Variants in MIA2 observed in about 807,000 individuals in gnomAD.
MIA2 encodes melanoma inhibitory activity protein 2.
In MIA2, 127 loss-of-function variants were observed where a neutral mutation model predicts 167.8. The ratio of observed to expected loss-of-function variants is 0.76; its 90% CI spans 0.66 to 0.88. MIA2 has a LOEUF of 0.88. Ranked by LOEUF, MIA2 falls within the 40% of genes least tolerant of loss-of-function variation. The pLI, the probability that MIA2 is intolerant of heterozygous loss-of-function variation, is 0.00. For missense variants in MIA2, 1,690 were observed against 1,624.7 expected, an observed-to-expected ratio of 1.04 and a Z score of -0.69; for synonymous variants, 552 against 541.9, an observed-to-expected ratio of 1.02 and a Z score of -0.26.
intron 23 of MIA2, among the ~76,000 whole-genome samples, chr14:39,362,831 C>T (rs946674422): frequency 4.6e-5 from 7 of 152,140 alleles, no homozygotes; most frequent in East Asian, 1.9e-4. Context: ...AATTCCCTCT[C>T]AGCACTGCTT....
rs1566748459 is a variant in MIA2 at position 39,288,468 on chromosome 14, T to TTTTG, written c.2131-2551_2131-2550insTTTG. On this transcript the variant is annotated intron_variant, in intron 9 of 28. Coordinates refer to ENST00000640607, the MANE Select transcript of MIA2 (RefSeq NM_001329214.4). ...ATATATATATATATATATATATATA[T>TTTTG]ATATATATTTTTTTTTTTTTTTTTG... 4.1e-4 allele frequency among the ~76,000 whole-genome samples: 18 copies of TTTTG among 44,170 alleles called. 2 individuals are homozygous for TTTTG. Among genetic ancestry groups the TTTTG allele is most frequent in the African/African-American group, 1.8e-3 (14 of 7,938 alleles). 29.0% of individuals were successfully genotyped at this position (44,170 alleles called of 152,430 possible). A position where few individuals can be genotyped will look rare whatever the true frequency, so the allele number is the denominator to read the frequency against.
intron 25 of MIA2, among the ~76,000 whole-genome samples, chr14:39,334,669 C>T (rs4902520): frequency 0.2 from 29,857 of 151,154 alleles, 2,964 homozygotes; most frequent in Middle Eastern, 0.28. Flanking sequence ...CGGGTTCAAG[C>T]GATTCTCCTG....
In MIA2 at chr14:39,314,702, A is replaced by G. The variant is rs773096679; in HGVS notation, c.3120-37A>G. 28 of 1,465,134 alleles carry G rather than the reference A, an allele frequency of 1.9e-5. No individual in the cohort carries two copies. The Admixed American group carries it at 3.4e-4, about 18-fold the overall frequency. 90.8% of individuals were successfully genotyped at this position (1,465,134 alleles called of 1,614,324 possible). A position where few individuals can be genotyped will look rare whatever the true frequency, so the allele number is the denominator to read the frequency against. On this transcript the variant is annotated intron_variant, in intron 19 of 28. Coordinates refer to ENST00000640607, the MANE Select transcript of MIA2 (RefSeq NM_001329214.4). Reference sequence around the variant, plus strand: ...AGAGTATGTTCTGTCATTTCATGTTATATGTTAATAGTAGAATAATTATTC... The same window carrying G: ...AGAGTATGTTCTGTCATTTCATGTTGTATGTTAATAGTAGAATAATTATTC...
intron 25 of MIA2, among the ~76,000 whole-genome samples, chr14:39,344,228 G>C (rs2072698370): frequency 6.6e-6 from 1 of 152,100 alleles, no homozygotes; most frequent in South Asian, 2.1e-4. Flanking sequence ...GATGTGTGGG[G>C]ATATAATTTA....
chr14:39,344,649 A>C (rs2072805036), intron 25 of MIA2, among the ~76,000 whole-genome samples: 1 of 152,188 alleles, frequency 6.6e-6, no homozygotes, highest in Non-Finnish European at 1.5e-5. Context: ...GGAGTGATAT[A>C]TCCAACACTG....
intron 9 of MIA2, among the ~76,000 whole-genome samples, chr14:39,288,754 C>G (rs1414909925): frequency 1.3e-5 from 2 of 151,766 alleles, no homozygotes; most frequent in African/African-American, 4.8e-5. Context: ...AGCCACTGTG[C>G]CGGCCAATTT....
chr14:39,286,915 AG>A (rs2059903414), intron 9 of MIA2, among the ~76,000 whole-genome samples: 1 of 151,400 alleles, frequency 6.6e-6, no homozygotes, highest in Admixed American at 6.6e-5. Flanking sequence ...TGGTAGAGAC[AG>A]GGTTTCACCA....
chr14:39,285,384 C>G (rs1455735953), intron 9 of MIA2, among the ~76,000 whole-genome samples: 1 of 150,802 alleles, frequency 6.6e-6, no homozygotes, highest in Admixed American at 6.6e-5. Flanking sequence ...GGGGGCTGCC[C>G]CCCACCTCCC....
rs2053629333 is a variant in MIA2, at chr14:39,234,191, T to C, written c.77T>C (p.Leu26Pro). The change falls in exon 1 of 29, where the codon CTG (leucine) becomes CCG (proline). Residue 26 changes from leucine to proline, a missense_variant. Transcript: ENST00000640607. ...AAGTGTCTGGAGAGTACAAAACTGCTGGCAGACCTTAAAAAATGTGGTGAC... is the reference window on the plus strand; with the variant it reads ...AAGTGTCTGGAGAGTACAAAACTGCCGGCAGACCTTAAAAAATGTGGTGAC... ...LTKCLESTKL[L>P]ADLKKCGDLE... 2 of 1,610,098 alleles carry C rather than the reference T, an allele frequency of 1.2e-6. No individual in the cohort carries two copies. Among genetic ancestry groups the C allele is most frequent in the Admixed American group, 1.7e-5 (1 of 59,174 alleles).
intron 23 of MIA2, among the ~76,000 whole-genome samples, chr14:39,377,232 G>C (rs1281488554): frequency 2.7e-5 from 4 of 146,390 alleles, no homozygotes; most frequent in African/African-American, 1.0e-4. Context: ...CATAGGGGGA[G>C]GAAGAAAAAA....
chr14:39,291,404 G>A (rs1187370620), intron 10 of MIA2, among the ~76,000 whole-genome samples: 2 of 152,118 alleles, frequency 1.3e-5, no homozygotes, highest in African/African-American at 2.4e-5. Context: ...TAAGGTGATC[G>A]TTCCTTTTTT....
chr14:39,278,954 A>C (rs1230887809), intron 7 of MIA2, among the ~76,000 whole-genome samples: 4 of 152,130 alleles, frequency 2.6e-5, no homozygotes, highest in Non-Finnish European at 1.5e-5. Context: ...TGAGGTCAGG[A>C]GTTCCAGACC....
intron 24 of MIA2, among the ~76,000 whole-genome samples, chr14:39,322,927 T>A (rs920885789): frequency 3.3e-5 from 5 of 152,190 alleles, no homozygotes; most frequent in African/African-American, 1.2e-4. Context: ...CAGATTGAAT[T>A]TGAGATAGGA....
At chr14:39,309,828 A>G (rs890858771) in intron 18 of MIA2, among the ~76,000 whole-genome samples, 1 of 152,108 alleles carries the variant, frequency 6.6e-6, no homozygotes. Flanking sequence ...CAGTGCCTTT[A>G]TATATTGGAG....
intron 6 of MIA2, chr14:39,267,064 C>G: frequency 9.4e-7 from 1 of 1,062,040 alleles, no homozygotes; most frequent in African/African-American, 1.7e-5. Flanking sequence ...CCTTTAAGAG[C>G]AAACGACCCG....
At chr14:39,358,327 T>C (rs922104748) in intron 23 of MIA2, among the ~76,000 whole-genome samples, 1 of 152,226 alleles carries the variant, frequency 6.6e-6, no homozygotes, top group Non-Finnish European at 1.5e-5. Context: ...TCATACCCTT[T>C]CTTCCAGTTG....
intron 6 of MIA2, among the ~76,000 whole-genome samples, chr14:39,258,190 G>C (rs1051197162): frequency 6.6e-6 from 1 of 152,110 alleles, no homozygotes; most frequent in South Asian, 2.1e-4. Context: ...TTCCAACTTG[G>C]TTCCATTCTC....
At chr14:39,250,923 C>T (rs990513855) in intron 4 of MIA2, among the ~76,000 whole-genome samples, 1 of 151,516 alleles carries the variant, frequency 6.6e-6, no homozygotes, top group Non-Finnish European at 1.5e-5. Flanking sequence ...CAAAACACTA[C>T]AATATTAAAT....
intron 13 of MIA2, 119 bp downstream of exon 13, chr14:39,295,148 A>G: frequency 1.4e-6 from 1 of 715,062 alleles, no homozygotes; most frequent in East Asian, 2.6e-5. Context: ...GCATGAGAGC[A>G]GGACAGTCTC....
Sources: allele counts gnomAD v4.1 joint callset (sites outside exome capture counted in the v4.1 genomes callset), GRCh38; gene constraint gnomAD v4.1.1; transcripts MANE v1.5; gene names NCBI Gene and HGNC (gene_info 2026-07-23, HGNC 2026-07-21).